Variants in UBR3 observed in about 807,000 individuals in gnomAD.
The protein encoded by UBR3 is E3 ubiquitin-protein ligase UBR3.
A neutral mutation model predicts 243.2 loss-of-function variants in UBR3; 85 were observed. That is an observed-to-expected ratio of 0.35 (90% CI 0.29 to 0.42). UBR3 has a LOEUF of 0.42. UBR3 is among the 10% of genes least tolerant of loss of function. UBR3 has a pLI of 1.00. For missense variants in UBR3, 1,686 were observed against 2,300.8 expected (o/e 0.73, Z 5.47); for synonymous variants, 748 against 799.8 (o/e 0.94, Z 1.09).
intron 31 of UBR3, among the ~76,000 whole-genome samples, chr2:170,033,995 T>A (rs547911694): frequency 7.0e-6 from 1 of 142,060 alleles, no homozygotes; most frequent in African/African-American, 2.5e-5. Flanking sequence ...TAGAAACAAT[T>A]ATTTTTTAAA....
intron 11 of UBR3, among the ~76,000 whole-genome samples, chr2:169,922,834 C>G (rs944464498): frequency 2.6e-5 from 4 of 151,962 alleles, no homozygotes; most frequent in African/African-American, 9.7e-5. Flanking sequence ...TTTTTATAGC[C>G]TTTACATATT....
rs567021346 is a variant in UBR3, at chr2:170,046,607, A to G, written c.4660+5622A>G. ...GTTAAATACTTTTTTATCAGGAGAT[A>G]TAATTTCCAGTTGTTCCTCTTTATG... is the stretch of plus-strand genomic sequence containing the variant. On this transcript the variant is annotated intron_variant, in intron 32 of 38. Transcript: ENST00000272793. Among the ~76,000 whole-genome samples, 3 of 152,358 alleles carry G rather than the reference A, an allele frequency of 2.0e-5. No individual in the cohort carries two copies. The South Asian group carries it at 6.2e-4, about 32-fold the overall frequency.
At chr2:170,049,631 TCTTTA>T (rs1244218768) in intron 32 of UBR3, among the ~76,000 whole-genome samples, 1 of 152,234 alleles carries the variant, frequency 6.6e-6, no homozygotes, top group East Asian at 1.9e-4. Flanking sequence ...ATTTATCCAT[TCTTTA>T]CTTAATAACT....
intron 26 of UBR3, among the ~76,000 whole-genome samples, chr2:169,995,746 C>T (rs1036335210): frequency 2.0e-5 from 3 of 152,118 alleles, no homozygotes; most frequent in African/African-American, 7.2e-5. Flanking sequence ...TCTGCTACGA[C>T]TTCTTACAAA....
At chr2:169,848,334 GTT>G (rs397966443) in intron 1 of UBR3, among the ~76,000 whole-genome samples, 17 of 129,462 alleles carry the variant, frequency 1.3e-4, no homozygotes, top group Middle Eastern at 3.9e-3. Flanking sequence ...AAGTATCATA[GTT>G]TTTTTTTTTT....
intron 18 of UBR3, among the ~76,000 whole-genome samples, chr2:169,931,785 G>C (rs1291580399): frequency 2.0e-5 from 3 of 151,738 alleles, no homozygotes; most frequent in African/African-American, 7.3e-5. Flanking sequence ...CTCTTCCTAA[G>C]CGTGATTATT....
At chr2:169,832,585 A>C (rs1020243120) in intron 1 of UBR3, among the ~76,000 whole-genome samples, 10 of 149,724 alleles carry the variant, frequency 6.7e-5, no homozygotes, top group Non-Finnish European at 1.5e-4. Context: ...AAACAAAAAA[A>C]CTGTATGTAT....
intron 23 of UBR3, among the ~76,000 whole-genome samples, chr2:169,957,172 A>G (rs2087338556): frequency 1.3e-5 from 2 of 152,104 alleles, no homozygotes; most frequent in Non-Finnish European, 2.9e-5. Context: ...TATGCTTACT[A>G]GTATTGTTAG....
intron 24 of UBR3, among the ~76,000 whole-genome samples, chr2:169,971,190 A>G (rs1046705255): frequency 1.3e-5 from 2 of 148,950 alleles, no homozygotes; most frequent in African/African-American, 4.9e-5. Context: ...TTTTCTTGTG[A>G]ATTTGTTTGA....
chr2:169,917,057 T>C (rs1201561349), intron 11 of UBR3, among the ~76,000 whole-genome samples: 1 of 152,144 alleles, frequency 6.6e-6, no homozygotes, highest in East Asian at 1.9e-4. Flanking sequence ...TTAATTCTAA[T>C]CCCTCCTGCC....
At chr2:170,010,689 A>G (rs957099797) in intron 29 of UBR3, among the ~76,000 whole-genome samples, 3 of 152,312 alleles carry the variant, frequency 2.0e-5, no homozygotes, top group Admixed American at 1.3e-4. Flanking sequence ...AAACAGAGAA[A>G]ATATACTTCC....
At chr2:169,884,394 T>C (rs6749639) in intron 5 of UBR3, among the ~76,000 whole-genome samples, 150,134 of 152,304 alleles carry the variant, frequency 0.99, 74,020 homozygotes, top group South Asian at 1. Flanking sequence ...CCTCGTAATC[T>C]GCCCTGGCCT....
In UBR3 at chr2:170,080,618, G is replaced by A; in HGVS notation, c.5483G>A (p.Gly1828Asp). The change falls in exon 38 of 39, where the codon GGT (glycine) becomes GAT (aspartate). Residue 1828 changes from glycine (G) to aspartate (D), a missense_variant. By Grantham distance (94) the Gly-to-Asp change is moderately conservative (BLOSUM62 -1). This residue lies in a region of UBR3 where 89 missense variants were observed against 183.3 expected (regional missense o/e 0.49). Coordinates refer to ENST00000272793, the MANE Select transcript of UBR3 (RefSeq NM_172070.4). ...INASVIIIIR[G>D]HRFCLWGSVY... ...GCATCGGTAATTATCATCATTCGAG[G>A]TCACCGCTTCTGCCTCTGGGGTTCC... is the stretch of plus-strand genomic sequence containing the variant. The A allele has an allele frequency of 6.2e-7, 1 of 1,613,972 alleles. No individual in the cohort carries two copies. The highest frequency in any genetic ancestry group is 8.5e-7 in the Non-Finnish European group (1 of 1,179,934).
chr2:169,964,566 G>A, intron 24 of UBR3: 1 of 413,516 alleles, frequency 2.4e-6, no homozygotes, highest in Non-Finnish European at 4.9e-6. Context: ...TAAGGGAAAT[G>A]GGAAGCTCAG....
In UBR3 at chr2:169,836,033, CTCTCTCTCTCTATATATATA is replaced by C. The variant is rs1327157176; in HGVS notation, c.545+7983_545+8002del. On this transcript the variant is annotated intron_variant, in intron 1 of 38. Transcript: ENST00000272793. ...TCTCTCTCTCTCTCTCTCTCTCTCT[CTCTCTCTCTCTATATATATA>C]TATATATATATATATTTTTTTTTTT... 6.8e-3 allele frequency among the ~76,000 whole-genome samples: 137 copies of C among 20,228 alleles called. 3 individuals carry two copies. The highest frequency in any genetic ancestry group is 9.5e-3 in the Non-Finnish European group (108 of 11,428). The allele number at this position is 20,228 out of a possible 152,430, so 13.3% of individuals were successfully genotyped here. A position where few individuals can be genotyped will look rare whatever the true frequency, so the allele number is the denominator to read the frequency against.
intron 24 of UBR3, among the ~76,000 whole-genome samples, chr2:169,976,119 T>C (rs201369554): frequency 6.8e-6 from 1 of 147,878 alleles, no homozygotes; most frequent in Admixed American, 6.8e-5. Flanking sequence ...TTTTTTTTTT[T>C]AAATCCATAC....
chr2:169,837,162 A>T (rs564429347), intron 1 of UBR3, among the ~76,000 whole-genome samples: 1 of 152,310 alleles, frequency 6.6e-6, no homozygotes, highest in East Asian at 1.9e-4. Flanking sequence ...GGTCTGTATT[A>T]GTCTGTTTTC....
At chr2:169,987,375 A>G (rs1414337420) in intron 25 of UBR3, among the ~76,000 whole-genome samples, 1 of 147,266 alleles carries the variant, frequency 6.8e-6, no homozygotes, top group East Asian at 2.0e-4. Context: ...CCTGGGTGAC[A>G]GAGCAAGACT....
At chr2:170,018,537 T>C (rs2105413702) in intron 30 of UBR3, among the ~76,000 whole-genome samples, 1 of 152,290 alleles carries the variant, frequency 6.6e-6, no homozygotes, top group Non-Finnish European at 1.5e-5. Context: ...TGGACTTGTA[T>C]TCAGCAGATG....
Sources: gnomAD v4.1 joint callset for allele counts (sites outside exome capture counted in the v4.1 genomes callset) on GRCh38, gnomAD v4.1.1 for gene constraint, gnomAD v4.1.1 regional missense constraint, MANE v1.5 for transcripts, NCBI Gene and HGNC (gene_info 2026-07-23, HGNC 2026-07-21) for gene names.